The following ROBO2 variants were observed in gnomAD, a reference collection of about 807,000 sequenced individuals.
The protein encoded by ROBO2 is roundabout guidance receptor 2.
ROBO2 carries 53 observed loss-of-function variants against 160.8 expected under a neutral mutation model. That is an observed-to-expected ratio of 0.33 (90% confidence interval 0.26 to 0.41). The LOEUF is 0.41. Ranked by LOEUF, ROBO2 falls within the 10% of genes least tolerant of loss-of-function variation. The pLI, the probability that ROBO2 is intolerant of heterozygous loss-of-function variation, is 1.00. For missense variants in ROBO2, 1,577 were observed against 1,722.4 expected (o/e 0.92, Z 1.49); for synonymous variants, 664 against 611.7 (o/e 1.09, Z -1.26).
intron 2 of ROBO2, among the ~76,000 whole-genome samples, chr3:76,965,307 G>A (rs1161063455): frequency 6.6e-6 from 1 of 152,224 alleles, no homozygotes; most frequent in Non-Finnish European, 1.5e-5. Flanking sequence ...GCTTTCGCAA[G>A]CTGACCTCTG....
chr3:76,163,250 A>T (rs1516463), intron 2 of ROBO2, among the ~76,000 whole-genome samples: 38,263 of 151,702 alleles, frequency 0.25, 5,930 homozygotes, highest in Non-Finnish European at 0.34. Flanking sequence ...TGAATCCTCT[A>T]GTTTTTCATC....
At chr3:76,208,560 C>G (rs1237558182) in intron 2 of ROBO2, among the ~76,000 whole-genome samples, 1 of 152,068 alleles carries the variant, frequency 6.6e-6, no homozygotes, top group Non-Finnish European at 1.5e-5. Flanking sequence ...ACTTTGTTTT[C>G]TTAACATACT....
chr3:76,551,511 C>T (rs1264205359), intron 2 of ROBO2, among the ~76,000 whole-genome samples: 1 of 152,080 alleles, frequency 6.6e-6, no homozygotes. Flanking sequence ...AGCTGTAACA[C>T]AAACAGGGCT....
chr3:76,797,132 G>A (rs1326285315), intron 2 of ROBO2, among the ~76,000 whole-genome samples: 1 of 152,066 alleles, frequency 6.6e-6, no homozygotes, highest in Non-Finnish European at 1.5e-5. Context: ...TCATCCAATG[G>A]CTGCAGAATA....
At chr3:77,129,397 C>A (rs1338256298) in intron 2 of ROBO2, among the ~76,000 whole-genome samples, 1 of 152,296 alleles carries the variant, frequency 6.6e-6, no homozygotes, top group Non-Finnish European at 1.5e-5. Flanking sequence ...TTACAATCAA[C>A]ACATTTTTGC....
chr3:77,288,777 A>G (rs750839014), intron 2 of ROBO2, among the ~76,000 whole-genome samples: 14 of 152,188 alleles, frequency 9.2e-5, no homozygotes, highest in Non-Finnish European at 1.6e-4. Flanking sequence ...ACGAGACCCT[A>G]CTCAAGCATA....
intron 2 of ROBO2, among the ~76,000 whole-genome samples, chr3:77,301,157 C>G (rs2062625384): frequency 6.6e-6 from 1 of 152,074 alleles, no homozygotes; most frequent in African/African-American, 2.4e-5. Flanking sequence ...GCATGAACCA[C>G]TGTGTCCGGC....
intron 2 of ROBO2, among the ~76,000 whole-genome samples, chr3:76,816,277 G>A (rs2065657700): frequency 6.6e-6 from 1 of 152,002 alleles, no homozygotes; most frequent in Non-Finnish European, 1.5e-5. Flanking sequence ...AAAGAAGAAT[G>A]CAATATGAAG....
Position 76,102,076 on chromosome 3 carries a change from T to G in ROBO2, c.109+164474T>G, listed in dbSNP as rs556676924. On this transcript the variant is annotated intron_variant, in intron 2 of 26. Coordinates refer to the ROBO2 transcript ENST00000487694. ...GTTCCCATTGTACCCCGGGGTGTGA[T>G]GTTCCCCTTCCTGTGTCCATGTGTT... 4.6e-5 allele frequency among the ~76,000 whole-genome samples: 7 copies of G among 152,080 alleles called. No individual in the cohort carries two copies. In the South Asian group the frequency reaches 1.2e-3, roughly 27 times the overall value.
chr3:76,754,363 G>T (rs545746110), intron 2 of ROBO2, among the ~76,000 whole-genome samples: 2 of 151,898 alleles, frequency 1.3e-5, no homozygotes, highest in African/African-American at 4.8e-5. Flanking sequence ...ATCTGTCAAA[G>T]GTTAACTGCA....
At chr3:77,569,395 G>A (rs1350015591) in intron 13 of ROBO2, among the ~76,000 whole-genome samples, 1 of 151,916 alleles carries the variant, frequency 6.6e-6, no homozygotes, top group Non-Finnish European at 1.5e-5. Flanking sequence ...GTATATAATT[G>A]TGGTTTTGAT....
At chr3:77,057,752 G>A (rs1386916529) in intron 1 of ROBO2, among the ~76,000 whole-genome samples, 1 of 151,734 alleles carries the variant, frequency 6.6e-6, no homozygotes. Flanking sequence ...TGTATTTTTA[G>A]TAGAGACGGG....
chr3:76,164,924 G>A (rs2072769346), intron 2 of ROBO2, among the ~76,000 whole-genome samples: 1 of 152,188 alleles, frequency 6.6e-6, no homozygotes, highest in African/African-American at 2.4e-5. Context: ...CCAATTCAAA[G>A]CCAAGCTAGG....
At chr3:76,555,075 G>A (rs2083625855) in intron 2 of ROBO2, among the ~76,000 whole-genome samples, 1 of 151,820 alleles carries the variant, frequency 6.6e-6, no homozygotes, top group Non-Finnish European at 1.5e-5. Flanking sequence ...TACCCCAAAT[G>A]AAAAATAAAT....
intron 2 of ROBO2, among the ~76,000 whole-genome samples, chr3:76,983,550 C>A (rs943951533): frequency 3.9e-5 from 6 of 151,900 alleles, no homozygotes; most frequent in African/African-American, 1.5e-4. Flanking sequence ...CTTTTTTCCA[C>A]CCAATATTGG....
chr3:75,917,088 G>A (rs1946844805), intron 1 of ROBO2, among the ~76,000 whole-genome samples: 1 of 151,982 alleles, frequency 6.6e-6, no homozygotes, highest in Non-Finnish European at 1.5e-5. Flanking sequence ...TATTACATAG[G>A]TATACATGTA....
At chr3:76,428,964 T>C (rs2108998689) in intron 2 of ROBO2, among the ~76,000 whole-genome samples, 1 of 152,296 alleles carries the variant, frequency 6.6e-6, no homozygotes, top group African/African-American at 2.4e-5. Flanking sequence ...ATTTCTTCTC[T>C]AACTTCTCAC....
intron 2 of ROBO2, among the ~76,000 whole-genome samples, chr3:76,316,775 A>G (rs955984919): frequency 6.6e-6 from 1 of 152,228 alleles, no homozygotes; most frequent in Non-Finnish European, 1.5e-5. Flanking sequence ...TTATAAAAGT[A>G]TTAATTTTGG....
Position 76,271,561 on chromosome 3 carries a change from T to C in ROBO2, c.109+333959T>C, listed in dbSNP as rs113686912. On this transcript the variant is annotated intron_variant, in intron 2 of 26. Coordinates refer to the ROBO2 transcript ENST00000487694. ...ACCTGTCACTCTGCAATCTTTTCAA[T>C]GAGATCAATGAATAAACTAATTTAT... is the stretch of plus-strand genomic sequence containing the variant. 6.3e-4 allele frequency among the ~76,000 whole-genome samples: 95 copies of C among 150,768 alleles called. 1 individual carries two copies. Among genetic ancestry groups the C allele is most frequent in the African/African-American group, 2.0e-3 (81 of 41,040 alleles).
Sources: gnomAD v4.1 joint callset for allele counts (sites outside exome capture counted in the v4.1 genomes callset) on GRCh38, gnomAD v4.1.1 for gene constraint, MANE v1.5 for transcripts, NCBI Gene and HGNC (gene_info 2026-07-23, HGNC 2026-07-21) for gene names.